PREP: variants seen among roughly 807,000 people sequenced by gnomAD.
The protein encoded by PREP is prolyl endopeptidase.
A neutral mutation model predicts 87.6 loss-of-function variants in PREP; 29 were observed. The observed-to-expected ratio is 0.33, with a 90% confidence interval of 0.25 to 0.45. The LOEUF (loss-of-function observed/expected upper bound fraction) is 0.45. Ranked by LOEUF, PREP falls within the 20% of genes least tolerant of loss-of-function variation. The probability of loss-of-function intolerance (pLI) is 1.00; values close to 1 mark genes in which losing one functional copy is unlikely to be tolerated. For missense variants in PREP, 695 were observed against 886.5 expected (o/e 0.78, Z 2.74); for synonymous variants, 337 against 328.6 (o/e 1.03, Z -0.28).
rs756532403 is a variant in PREP at position 105,285,533 on chromosome 6, A to G, written c.1502T>C (p.Val501Ala). 6.2e-7 allele frequency: 1 copy of G among 1,614,020 alleles called. No homozygotes were observed. Among genetic ancestry groups the G allele is most frequent in the Non-Finnish European group, 8.5e-7 (1 of 1,180,016 alleles). ...TTCGCCACCTCCTCTGATGTTGGCC[A>G]CTGCCAGGATACCACCCATGTGTCT... ...FVRHMGGILAVANIRGGGEYG... is the reference protein window; with the variant it reads ...FVRHMGGILAAANIRGGGEYG... Residue 501 changes from valine (V) to alanine (A), a missense_variant, in exon 12 of 15, where the codon GTG becomes GCG. By Grantham distance (64) the Val-to-Ala change is moderately conservative. Transcript: ENST00000652536.
At position 105,375,688 on chromosome 6, in the gene PREP, C is replaced by T. The variant is rs537969368; in HGVS notation, c.385+437G>A. Among the ~76,000 whole-genome samples, 3 of 152,320 alleles carry T rather than the reference C, an allele frequency of 2.0e-5. No individual in the cohort carries two copies. The East Asian group carries it at 5.8e-4, about 29-fold the overall frequency. ...TTAACTAGATTTTTAAAACTCTAAT[C>T]GCCTCCTTCCCAAGAGGGAAACTGA... On this transcript the variant is annotated intron_variant, in intron 4 of 14. Coordinates refer to ENST00000652536, the MANE Select transcript of PREP (RefSeq NM_002726.5).
Position 105,278,380 on chromosome 6 carries a change from T to C in PREP, c.1897A>G (p.Met633Val), listed in dbSNP as rs1769995871. Residue 633 changes from methionine to valine, a missense_variant, in exon 15 of 15, where the codon ATG becomes GTG. By Grantham distance (21) the Met-to-Val change is conservative. Transcript: ENST00000652536. The surrounding 1 kb of genome is among the most constrained non-coding windows in gnomAD (Gnocchi z 4.2). ...PEADDIQYPSMLLLTADHDDR... is the reference protein window; with the variant it reads ...PEADDIQYPSVLLLTADHDDR... ...TCATGGTCAGCAGTGAGGAGCAGCATGGACGGGTACTGGATGTCATCTGCT... is the reference window on the plus strand; with the variant it reads ...TCATGGTCAGCAGTGAGGAGCAGCACGGACGGGTACTGGATGTCATCTGCT... 4 of 1,614,096 alleles carry C rather than the reference T, an allele frequency of 2.5e-6. No individual in the cohort carries two copies. Among genetic ancestry groups the C allele is most frequent in the Non-Finnish European group, 1.7e-6 (2 of 1,180,026 alleles).
intron 2 of PREP, among the ~76,000 whole-genome samples, chr6:105,378,927 G>A (rs533874854): frequency 6.6e-6 from 1 of 152,248 alleles, no homozygotes; most frequent in Non-Finnish European, 1.5e-5. Context: ...AATGCTTTGG[G>A]TTCCCCTACA....
intron 7 of PREP, among the ~76,000 whole-genome samples, chr6:105,339,239 C>T (rs533152844): frequency 6.6e-6 from 1 of 152,322 alleles, no homozygotes; most frequent in Admixed American, 6.5e-5. Context: ...ATTTGCTGTT[C>T]TGTAGCCTCT....
intron 7 of PREP, among the ~76,000 whole-genome samples, chr6:105,351,496 A>G (rs80131414): frequency 0.059 from 8,951 of 152,276 alleles, 365 homozygotes; most frequent in South Asian, 0.14. Context: ...CAGGGGAAAG[A>G]TAAGGACCGA....
In PREP at chr6:105,275,774, C is replaced by A. The variant is rs1769919870; in HGVS notation, c.*2370G>T. On this transcript the variant is annotated 3_prime_UTR_variant, in exon 15 of 15. Transcript: ENST00000652536. ...GCCATGAAAAAGACTGAGATCCTGT[C>A]ATTTGCAGCAACATGGATGGAACTG... Among the ~76,000 whole-genome samples the A allele has an allele frequency of 6.6e-6, 1 of 152,194 alleles. No homozygotes were observed. Among genetic ancestry groups the A allele is most frequent in the African/African-American group, 2.4e-5 (1 of 41,442 alleles).
At chr6:105,307,689 C>T (rs1414116482) in intron 10 of PREP, among the ~76,000 whole-genome samples, 1 of 152,060 alleles carries the variant, frequency 6.6e-6, no homozygotes, top group Non-Finnish European at 1.5e-5. Flanking sequence ...CTCGGCTTAC[C>T]GCAACCTCCA....
chr6:105,329,586 C>A (rs1287996499), intron 8 of PREP, among the ~76,000 whole-genome samples: 2 of 152,170 alleles, frequency 1.3e-5, no homozygotes, highest in Non-Finnish European at 2.9e-5. Context: ...GGAATAGTAA[C>A]CCTGCCTTCC....
intron 8 of PREP, among the ~76,000 whole-genome samples, 159 bp downstream of exon 8, chr6:105,333,155 T>C (rs540856647): frequency 2.0e-4 from 31 of 152,336 alleles, no homozygotes; most frequent in Admixed American, 1.7e-3. Flanking sequence ...TATCACACAA[T>C]GAAAACTTGG....
intron 6 of PREP, among the ~76,000 whole-genome samples, chr6:105,354,704 T>C (rs1772045750): frequency 6.6e-6 from 1 of 152,160 alleles, no homozygotes; most frequent in Admixed American, 6.5e-5. Flanking sequence ...GAACTCTTCC[T>C]TGAGTCTCCA....
chr6:105,280,258 C>G (rs370397447), intron 14 of PREP, among the ~76,000 whole-genome samples: 1 of 152,146 alleles, frequency 6.6e-6, no homozygotes, highest in Non-Finnish European at 1.5e-5. Context: ...GCCGAGATGG[C>G]GCCATTCCAC....
At position 105,273,373 on chromosome 6, in the gene PREP, AT is replaced by A. The variant is rs1252011604; in HGVS notation, c.*4770del. On this transcript the variant is annotated 3_prime_UTR_variant, in exon 15 of 15. Transcript: ENST00000652536. ...CGTTACTGAAATCCAGTTTTAGAAC[AT>A]TTTTGTCATCCCGGTTAGATCCTTT... 1.3e-5 allele frequency: 2 copies of A among 152,172 alleles called. No homozygotes were observed. Among genetic ancestry groups the A allele is most frequent in the African/African-American group, 4.8e-5 (2 of 41,458 alleles). 9.4% of individuals were successfully genotyped at this position (152,172 alleles called of 1,614,324 possible). A position where few individuals can be genotyped will look rare whatever the true frequency, so the allele number is the denominator to read the frequency against.
rs769225260 is a variant in PREP, at chr6:105,276,736, C to T, written c.*1408G>A. 3.3e-5 allele frequency among the ~76,000 whole-genome samples: 5 copies of T among 152,108 alleles called. No individual in the cohort carries two copies. Among genetic ancestry groups the T allele is most frequent in the Admixed American group, 6.5e-5 (1 of 15,268 alleles). On this transcript the variant is annotated 3_prime_UTR_variant, in exon 15 of 15. Transcript: ENST00000652536. Reference sequence around the variant, plus strand: ...ATGATTCCAGTAGAGAAAAACCAAGCCATATAGCTGTCTTTCAATATGCTT... The same window carrying T: ...ATGATTCCAGTAGAGAAAAACCAAGTCATATAGCTGTCTTTCAATATGCTT...
intron 7 of PREP, among the ~76,000 whole-genome samples, chr6:105,340,204 C>A (rs1771603015): frequency 6.6e-6 from 1 of 152,180 alleles, no homozygotes; most frequent in South Asian, 2.1e-4. Flanking sequence ...TCGGCAGAAA[C>A]TCTACAAGCC....
Position 105,352,995 on chromosome 6 carries a change from T to C in PREP, c.800A>G (p.Gln267Arg). ...PVNRLWYCDL[Q>R]QESSGIAGIL... ...ACCCGCGATGCCACTGGATTCCTGCTGTAGGTCACAGTACCAGAGTCGGTT... is the reference window on the plus strand; with the variant it reads ...ACCCGCGATGCCACTGGATTCCTGCCGTAGGTCACAGTACCAGAGTCGGTT... Residue 267 changes from glutamine to arginine, a missense_variant, in exon 7 of 15, where the codon CAG becomes CGG. By Grantham distance (43) the Gln-to-Arg change is conservative. Coordinates refer to ENST00000652536, the MANE Select transcript of PREP (RefSeq NM_002726.5). The C allele has an allele frequency of 1.2e-6, 2 of 1,613,912 alleles. No homozygotes were observed. The highest frequency in any genetic ancestry group is 1.3e-5 in the African/African-American group (1 of 75,046).
chr6:105,314,072 A>T (rs967297142), intron 10 of PREP, among the ~76,000 whole-genome samples: 2 of 152,230 alleles, frequency 1.3e-5, no homozygotes, highest in Admixed American at 1.3e-4. Flanking sequence ...TTCCCAGTAC[A>T]TATAAAAGCT....
In PREP at chr6:105,318,813, G is replaced by A. The variant is rs931098573; in HGVS notation, c.1317+4852C>T. On this transcript the variant is annotated intron_variant, in intron 10 of 14. Coordinates refer to ENST00000652536, the MANE Select transcript of PREP (RefSeq NM_002726.5). ...ATTTCTGACCTATACCCAATCACAC[G>A]AACACGCTGCTATGGGAAGACACTG... Among the ~76,000 whole-genome samples the A allele has an allele frequency of 9.9e-5, 15 of 152,164 alleles. No individual in the cohort carries two copies. In the East Asian group the frequency reaches 1.5e-3, roughly 16 times the overall value.
At chr6:105,299,898 T>C (rs1770495311) in intron 10 of PREP, among the ~76,000 whole-genome samples, 1 of 145,074 alleles carries the variant, frequency 6.9e-6, no homozygotes, top group Admixed American at 6.7e-5. Flanking sequence ...TTTGCTTCTC[T>C]GCTTTTTTTT....
chr6:105,293,578 G>A (rs1770344817), intron 10 of PREP, among the ~76,000 whole-genome samples: 1 of 148,452 alleles, frequency 6.7e-6, no homozygotes, highest in Non-Finnish European at 1.5e-5. Context: ...CTTGATTCAA[G>A]GTTGCCACAA....
Sources: gnomAD v4.1 joint callset for allele counts (sites outside exome capture counted in the v4.1 genomes callset) on GRCh38, gnomAD v4.1.1 for gene constraint, Gnocchi (gnomAD v3.1) non-coding constraint, MANE v1.5 for transcripts, NCBI Gene and HGNC (gene_info 2026-07-23, HGNC 2026-07-21) for gene names.